The following PCDHA7 variants were observed in gnomAD, a reference collection of about 807,000 sequenced individuals.
The protein encoded by PCDHA7 is protocadherin alpha-7.
In PCDHA7, 37 loss-of-function variants were observed where a neutral mutation model predicts 57.2. The ratio of observed to expected loss-of-function variants is 0.65; its 90% CI spans 0.50 to 0.85. The LOEUF (loss-of-function observed/expected upper bound fraction) is 0.85, where lower values mean the gene tolerates loss of function less well. Ranked by LOEUF, PCDHA7 falls within the 40% of genes least tolerant of loss-of-function variation. PCDHA7 has a pLI of 0.00. For missense variants in PCDHA7, 1,188 were observed against 1,241.8 expected (o/e 0.96, Z 0.65); for synonymous variants, 553 against 558.8 (o/e 0.99, Z 0.15).
intron 1 of PCDHA7, chr5:140,842,446 C>G: frequency 6.2e-7 from 1 of 1,613,788 alleles, no homozygotes; most frequent in Non-Finnish European, 8.5e-7. Flanking sequence ...TTAGCGTGAA[C>G]GACCTCGATT....
At chr5:140,980,684 G>GA (rs782726576) in intron 2 of PCDHA7, among the ~76,000 whole-genome samples, 3,276 of 145,132 alleles carry the variant, frequency 0.023, 40 homozygotes, top group Middle Eastern at 0.066. Flanking sequence ...TTTTCAAATT[G>GA]AAAAAAAAAA....
At chr5:140,840,491 G>T (rs1308203104) in intron 1 of PCDHA7, among the ~76,000 whole-genome samples, 3 of 152,018 alleles carry the variant, frequency 2.0e-5, no homozygotes, top group Non-Finnish European at 2.9e-5. Context: ...GCATAATTCT[G>T]GTAAATACTC....
chr5:140,906,611 C>T (rs2072787341), intron 1 of PCDHA7, among the ~76,000 whole-genome samples: 1 of 152,196 alleles, frequency 6.6e-6, no homozygotes, highest in Non-Finnish European at 1.5e-5. Flanking sequence ...ATTCTGTATT[C>T]CCTTTGCCTT....
chr5:140,920,054 C>A (rs1332238212), intron 1 of PCDHA7, among the ~76,000 whole-genome samples: 1 of 152,150 alleles, frequency 6.6e-6, no homozygotes, highest in Non-Finnish European at 1.5e-5. Context: ...CAGCCACCAA[C>A]ACCTGGAAAA....
chr5:140,978,842 T>A, intron 1 of PCDHA7, 107 bp from the exon 2 acceptor site: 1 of 1,564,670 alleles, frequency 6.4e-7, no homozygotes, highest in East Asian at 2.3e-5. Flanking sequence ...TTCAATACTT[T>A]TTTAGATGCC....
intron 1 of PCDHA7, among the ~76,000 whole-genome samples, chr5:140,971,962 T>C (rs1392143830): frequency 6.6e-6 from 1 of 152,150 alleles, no homozygotes; most frequent in Non-Finnish European, 1.5e-5. Context: ...CAAAAACTTT[T>C]TTTCAATACT....
In PCDHA7 at chr5:140,877,310, C is replaced by T. The variant is rs371801888; in HGVS notation, c.2355+40572C>T. ...GCTTGGCTGTCCTACGAGTTGCAACCGGCGGCGGTCGGCGCGCACATCCCG... is the reference window on the plus strand; with the variant it reads ...GCTTGGCTGTCCTACGAGTTGCAACTGGCGGCGGTCGGCGCGCACATCCCG... On this transcript the variant is annotated intron_variant, in intron 1 of 3. Transcript: ENST00000525929. 16 of 1,613,820 alleles carry T rather than the reference C, an allele frequency of 9.9e-6. No homozygotes were observed. In the African/African-American group the frequency reaches 1.9e-4, roughly 19 times the overall value.
intron 1 of PCDHA7, chr5:140,870,875 C>T (rs1235290760): frequency 3.7e-6 from 6 of 1,613,912 alleles, no homozygotes; most frequent in Non-Finnish European, 5.1e-6. Context: ...CACGTGGTGG[C>T]GAAGGTGCGC....
chr5:140,987,474 G>A (rs114440148), intron 3 of PCDHA7, among the ~76,000 whole-genome samples: 307 of 152,240 alleles, frequency 2.0e-3, no homozygotes, highest in African/African-American at 7.1e-3. Context: ...CTCAAGCTTG[G>A]GAGTCAGTGA....
At chr5:140,940,636 C>A (rs1554213535) in intron 1 of PCDHA7, among the ~76,000 whole-genome samples, 1 of 152,106 alleles carries the variant, frequency 6.6e-6, no homozygotes. Flanking sequence ...TTAAGCTTGT[C>A]ATTTATTTAT....
intron 1 of PCDHA7, chr5:140,841,595 C>T (rs2150318765): frequency 2.5e-6 from 4 of 1,614,060 alleles, no homozygotes; most frequent in East Asian, 2.2e-5. Flanking sequence ...TCGGATCGAC[C>T]GCGAGGAGCT....
intron 1 of PCDHA7, among the ~76,000 whole-genome samples, chr5:140,838,200 G>A (rs1223762976): frequency 2.7e-5 from 4 of 149,112 alleles, no homozygotes; most frequent in Non-Finnish European, 4.4e-5. Context: ...TGCAAAATCC[G>A]CCTCTCTGGT....
At chr5:140,856,596 A>G in intron 1 of PCDHA7, 1 of 1,597,802 alleles carries the variant, frequency 6.3e-7, no homozygotes, top group Non-Finnish European at 8.6e-7. Flanking sequence ...GATATTATAA[A>G]CAAAAAAGAC....
At chr5:140,946,540 T>G (rs1182532418) in intron 1 of PCDHA7, among the ~76,000 whole-genome samples, 1 of 150,344 alleles carries the variant, frequency 6.7e-6, no homozygotes, top group African/African-American at 2.5e-5. Context: ...CATTGCAGCA[T>G]TATTCATGAT....
At chr5:140,941,247 C>CT (rs1398354432) in intron 1 of PCDHA7, among the ~76,000 whole-genome samples, 1 of 128,506 alleles carries the variant, frequency 7.8e-6, no homozygotes, top group African/African-American at 2.9e-5. Context: ...TTCTTTCTTT[C>CT]TTTCTTTCTC....
intron 1 of PCDHA7, among the ~76,000 whole-genome samples, chr5:140,916,747 G>T (rs1445361224): frequency 2.6e-5 from 4 of 152,220 alleles, no homozygotes; most frequent in African/African-American, 9.6e-5. Context: ...TTCACTGCCT[G>T]GGATTAGGGG....
intron 3 of PCDHA7, among the ~76,000 whole-genome samples, chr5:141,003,829 A>G (rs1220753607): frequency 1.3e-5 from 2 of 152,184 alleles, no homozygotes; most frequent in Admixed American, 6.5e-5. Flanking sequence ...GGCTCTGCCT[A>G]ACGATTCAGA....
chr5:140,960,665 G>A (rs1180311598), intron 1 of PCDHA7, among the ~76,000 whole-genome samples: 2 of 152,066 alleles, frequency 1.3e-5, no homozygotes, highest in Non-Finnish European at 2.9e-5. Context: ...TGAATGCTTT[G>A]GCTAAAACCT....
chr5:140,902,203 CTTT>C lies in PCDHA7; in HGVS notation c.2355+65481_2355+65483del, dbSNP rs148688132. ...TTATGTCTTCTCTCTCTCTCTCTTT[CTTT>C]TTTTTTTTTTTTTTTGAGATGAGGA... On this transcript the variant is annotated intron_variant, in intron 1 of 3. Coordinates refer to ENST00000525929, the MANE Select transcript of PCDHA7 (RefSeq NM_018910.3). Among the ~76,000 whole-genome samples, 328 of 124,424 alleles carry C rather than the reference CTTT, an allele frequency of 2.6e-3. 2 individuals are homozygous for C. Among genetic ancestry groups the C allele is most frequent in the Middle Eastern group, 0.017 (4 of 242 alleles). 81.6% of individuals were successfully genotyped at this position (124,424 alleles called of 152,430 possible).
Sources: gnomAD v4.1 joint callset for allele counts (sites outside exome capture counted in the v4.1 genomes callset) on GRCh38, gnomAD v4.1.1 for gene constraint, MANE v1.5 for transcripts, NCBI Gene and HGNC (gene_info 2026-07-23, HGNC 2026-07-21) for gene names.